TLN2: variants seen among roughly 807,000 people sequenced by gnomAD.
TLN2 encodes talin-2.
A neutral mutation model predicts 294.7 loss-of-function variants in TLN2; 118 were observed. The observed-to-expected ratio is 0.40, with a 90% CI of 0.34 to 0.47. The LOEUF is 0.47. TLN2 is among the 20% of genes least tolerant of loss of function. The pLI, the probability that TLN2 is intolerant of heterozygous loss-of-function variation, is 0.84. For missense variants in TLN2, 3,083 were observed against 3,282.2 expected (o/e 0.94, Z 1.48); for synonymous variants, 1,431 against 1,304.5 (o/e 1.10, Z -2.09).
chr15:62,482,232 A>T (rs1433941235), intron 1 of TLN2, among the ~76,000 whole-genome samples: 1 of 152,180 alleles, frequency 6.6e-6, no homozygotes, highest in African/African-American at 2.4e-5. Flanking sequence ...GTAATGCCAC[A>T]CTGTAGACCC....
At chr15:62,726,576 G>C (rs2060453130) in intron 27 of TLN2, among the ~76,000 whole-genome samples, 1 of 152,024 alleles carries the variant, frequency 6.6e-6, no homozygotes, top group East Asian at 1.9e-4. Flanking sequence ...TTTCCTTTCA[G>C]TTGGAACTCC....
At position 62,656,037 on chromosome 15, in the gene TLN2, A is replaced by C; in HGVS notation, c.611A>C (p.Gln204Pro). The C allele has an allele frequency of 6.2e-7, 1 of 1,614,230 alleles. No homozygotes were observed. Among genetic ancestry groups the C allele is most frequent in the Non-Finnish European group, 8.5e-7 (1 of 1,180,046 alleles). ...AGACGGAAGTTCTTTTACTCTGATC[A>C]GAATGTAGATTCGAGAGACCCCGTG... ...LLRRKFFYSD[Q>P]NVDSRDPVQL... The change falls in exon 8 of 59, where the codon CAG becomes CCG. Residue 204 changes from glutamine (Q) to proline (P), a missense_variant. Transcript: ENST00000636159.
At chr15:62,668,612 G>T (rs1294718312) in intron 9 of TLN2, among the ~76,000 whole-genome samples, 1 of 152,214 alleles carries the variant, frequency 6.6e-6, no homozygotes, top group Non-Finnish European at 1.5e-5. Flanking sequence ...GGGTCAGGGT[G>T]CGTAGTGGCC....
chr15:62,799,453 C>T (rs2065771876), intron 48 of TLN2, among the ~76,000 whole-genome samples: 1 of 152,206 alleles, frequency 6.6e-6, no homozygotes, highest in South Asian at 2.1e-4. Flanking sequence ...CTAAATCCGG[C>T]ACTTTGAAAA....
chr15:62,823,457 A>C (rs943863187), intron 54 of TLN2, among the ~76,000 whole-genome samples: 1 of 152,236 alleles, frequency 6.6e-6, no homozygotes, highest in African/African-American at 2.4e-5. Flanking sequence ...GGGTACTGTC[A>C]GTAAACAATT....
At chr15:62,768,264 A>G (rs2063141318) in intron 41 of TLN2, among the ~76,000 whole-genome samples, 1 of 152,186 alleles carries the variant, frequency 6.6e-6, no homozygotes, top group Non-Finnish European at 1.5e-5. Flanking sequence ...AGGTGGTGGC[A>G]GGGCTGTGCA....
intron 50 of TLN2, among the ~76,000 whole-genome samples, chr15:62,803,099 C>A (rs752454901): frequency 3.9e-5 from 6 of 152,206 alleles, no homozygotes; most frequent in Middle Eastern, 3.4e-3. Flanking sequence ...CTATACTATT[C>A]TGGAGTAAAT....
chr15:62,525,926 C>G (rs529302350), intron 1 of TLN2, among the ~76,000 whole-genome samples: 2 of 152,230 alleles, frequency 1.3e-5, no homozygotes, highest in African/African-American at 4.8e-5. Flanking sequence ...ACTCTGCCAC[C>G]AGTGAGAACT....
intron 28 of TLN2, among the ~76,000 whole-genome samples, chr15:62,730,054 G>C (rs1332510331): frequency 4.1e-5 from 1 of 24,368 alleles, no homozygotes; most frequent in African/African-American, 8.6e-5. Flanking sequence ...TTTTGAAATG[G>C]AGTCTCATGC....
chr15:62,674,815 T>A (rs1225287565), intron 10 of TLN2, among the ~76,000 whole-genome samples: 1 of 152,194 alleles, frequency 6.6e-6, no homozygotes, highest in East Asian at 1.9e-4. Context: ...ACATTGAGGA[T>A]GGATGTTAGA....
At chr15:62,825,795 T>TAATATATATTATATATTATAATATATA (rs1567687008) in intron 54 of TLN2, among the ~76,000 whole-genome samples, 4 of 6,538 alleles carry the variant, frequency 6.1e-4, no homozygotes, top group Non-Finnish European at 1.5e-3. Flanking sequence ...TATATTATAA[T>TAATATATATTATATATTATAATATATA]ATATATTATA....
chr15:62,512,925 T>C (rs1410883937), intron 1 of TLN2, among the ~76,000 whole-genome samples: 1 of 152,198 alleles, frequency 6.6e-6, no homozygotes, highest in Non-Finnish European at 1.5e-5. Flanking sequence ...TCTTAAATCC[T>C]CCTCTTCCAG....
At chr15:62,538,181 A>G (rs533483857) in intron 1 of TLN2, among the ~76,000 whole-genome samples, 1 of 152,082 alleles carries the variant, frequency 6.6e-6, no homozygotes, top group Non-Finnish European at 1.5e-5. Context: ...AGATTGCGCC[A>G]CTGCACTCCA....
At chr15:62,744,660 G>T (rs2061517298) in intron 32 of TLN2, among the ~76,000 whole-genome samples, 1 of 151,762 alleles carries the variant, frequency 6.6e-6, no homozygotes, top group African/African-American at 2.4e-5. Context: ...GATTCTCCTG[G>T]CTCAGCCTCC....
At chr15:62,737,848 A>G (rs552924668) in intron 29 of TLN2, among the ~76,000 whole-genome samples, 8 of 152,174 alleles carry the variant, frequency 5.3e-5, no homozygotes, top group Non-Finnish European at 1.0e-4. Flanking sequence ...GGCTCCCAAG[A>G]AGGGAGATAT....
chr15:62,776,954 C>G, intron 43 of TLN2, 44 bp downstream of exon 43: 1 of 1,399,150 alleles, frequency 7.1e-7, no homozygotes, highest in Non-Finnish European at 9.4e-7. Context: ...ATCTCCCTCA[C>G]CCATGGGCCT....
intron 6 of TLN2, among the ~76,000 whole-genome samples, chr15:62,652,427 A>G (rs1312359557): frequency 6.6e-6 from 1 of 152,202 alleles, no homozygotes; most frequent in Non-Finnish European, 1.5e-5. Flanking sequence ...CTTCTATTCT[A>G]TATGAGCACT....
At chr15:62,394,070 C>T (rs1467704244) in intron 1 of TLN2, among the ~76,000 whole-genome samples, 1 of 152,234 alleles carries the variant, frequency 6.6e-6, no homozygotes, top group Non-Finnish European at 1.5e-5. Context: ...GACACCGCAC[C>T]TGGCCAACCT....
intron 1 of TLN2, among the ~76,000 whole-genome samples, chr15:62,540,308 C>T (rs1292835866): frequency 5.3e-5 from 8 of 151,934 alleles, no homozygotes; most frequent in Non-Finnish European, 1.0e-4. Context: ...CCACTGCACT[C>T]CAGCCTGGGT....
Sources: allele counts gnomAD v4.1 joint callset (sites outside exome capture counted in the v4.1 genomes callset), GRCh38; gene constraint gnomAD v4.1.1; transcripts MANE v1.5; gene names NCBI Gene and HGNC (gene_info 2026-07-23, HGNC 2026-07-21).